Variants in STIM2 observed in about 807,000 individuals in gnomAD.
STIM2 encodes the protein stromal interaction molecule 2.
In STIM2, 31 loss-of-function variants were observed where a neutral mutation model predicts 85.8. The ratio of observed to expected loss-of-function variants is 0.36; its 90% CI spans 0.27 to 0.49. The LOEUF (loss-of-function observed/expected upper bound fraction) is 0.49, where lower values mean the gene tolerates loss of function less well. Among genes scored for constraint, STIM2 ranks in the 20% least tolerant of loss-of-function variants. The pLI is 0.98. For missense variants in STIM2, 841 were observed against 927.6 expected, an observed-to-expected ratio of 0.91 and a Z score of 1.21; for synonymous variants, 356 against 331.1, an observed-to-expected ratio of 1.08 and a Z score of -0.82.
intron 3 of STIM2, among the ~76,000 whole-genome samples, chr4:26,980,716 C>T (rs1438885896): frequency 6.6e-6 from 1 of 152,148 alleles, no homozygotes; most frequent in Non-Finnish European, 1.5e-5. Context: ...TCTAAAAAGA[C>T]TGCTAAAATT....
chr4:27,015,859 A>G (rs1329679990), intron 10 of STIM2, among the ~76,000 whole-genome samples: 1 of 147,590 alleles, frequency 6.8e-6, no homozygotes, highest in Non-Finnish European at 1.5e-5. Flanking sequence ...ATCAGTTCTG[A>G]AAAAAAAACA....
At chr4:26,863,181 G>A (rs1324819282) in intron 1 of STIM2, among the ~76,000 whole-genome samples, 2 of 151,972 alleles carry the variant, frequency 1.3e-5, no homozygotes, top group Non-Finnish European at 2.9e-5. Flanking sequence ...TAAGGCATGG[G>A]GGAAAAAGGT....
chr4:26,904,912 T>C (rs1291636279), intron 1 of STIM2, among the ~76,000 whole-genome samples: 1 of 152,054 alleles, frequency 6.6e-6, no homozygotes, highest in Non-Finnish European at 1.5e-5. Context: ...AGTGTAGGGA[T>C]TGACATATAG....
intron 3 of STIM2, among the ~76,000 whole-genome samples, chr4:26,979,407 A>G (rs1376013587): frequency 6.6e-6 from 1 of 152,180 alleles, no homozygotes; most frequent in Admixed American, 6.5e-5. Context: ...CAAAAGAGAA[A>G]TAGTAATTGT....
At chr4:26,916,986 G>A (rs1649207394) in intron 1 of STIM2, among the ~76,000 whole-genome samples, 1 of 152,074 alleles carries the variant, frequency 6.6e-6, no homozygotes, top group South Asian at 2.1e-4. Flanking sequence ...CAGGATAGAA[G>A]CCTAGAAGTT....
At chr4:26,969,804 A>G (rs1726863750) in intron 3 of STIM2, among the ~76,000 whole-genome samples, 1 of 152,162 alleles carries the variant, frequency 6.6e-6, no homozygotes, top group South Asian at 2.1e-4. Flanking sequence ...TGCCCCAAAG[A>G]GTAATCACTC....
intron 1 of STIM2, among the ~76,000 whole-genome samples, chr4:26,901,158 G>T (rs560349776): frequency 7.0e-4 from 107 of 152,288 alleles, no homozygotes; most frequent in African/African-American, 2.6e-3. Context: ...AATCTCAAGC[G>T]TGCTTGTCCG....
At chr4:26,967,624 G>C (rs78512153) in intron 3 of STIM2, among the ~76,000 whole-genome samples, 1 of 152,144 alleles carries the variant, frequency 6.6e-6, no homozygotes, top group African/African-American at 2.4e-5. Flanking sequence ...TGTTTATATT[G>C]TGAATCCTGT....
chr4:26,882,142 C>T (rs4519791), intron 1 of STIM2, among the ~76,000 whole-genome samples: 97,224 of 152,044 alleles, frequency 0.64, 32,241 homozygotes, highest in African/African-American at 0.82. Flanking sequence ...TCCCTTGTAA[C>T]TGGGGGTTGA....
At chr4:27,001,688 G>T (rs1008505691) in intron 5 of STIM2, among the ~76,000 whole-genome samples, 6 of 152,194 alleles carry the variant, frequency 3.9e-5, no homozygotes, top group Non-Finnish European at 5.9e-5. Flanking sequence ...TCTGCTAGGG[G>T]TGGGTGAGGA....
chr4:26,969,000 C>T (rs1417359160), intron 3 of STIM2, among the ~76,000 whole-genome samples: 2 of 152,170 alleles, frequency 1.3e-5, no homozygotes, highest in African/African-American at 4.8e-5. Context: ...AGCCTTATTA[C>T]ATATTTTGTT....
At chr4:26,867,854 C>T (rs1410420929) in intron 1 of STIM2, among the ~76,000 whole-genome samples, 1 of 152,210 alleles carries the variant, frequency 6.6e-6, no homozygotes, top group Non-Finnish European at 1.5e-5. Context: ...GTGGTTCCCT[C>T]TTAAGTCTCT....
chr4:27,014,959 T>C (rs570693305), intron 10 of STIM2, among the ~76,000 whole-genome samples: 1 of 152,124 alleles, frequency 6.6e-6, no homozygotes, highest in East Asian at 1.9e-4. Context: ...TTATACTACC[T>C]GATATTGAAA....
chr4:26,866,815 TA>T, intron 1 of STIM2, among the ~76,000 whole-genome samples: 1 of 148,312 alleles, frequency 6.7e-6, no homozygotes, highest in South Asian at 2.1e-4. Context: ...GATATAAAAC[TA>T]TTTGAAGGTT....
chr4:26,976,452 T>G (rs1727199731), intron 3 of STIM2, among the ~76,000 whole-genome samples: 1 of 151,348 alleles, frequency 6.6e-6, no homozygotes, highest in Non-Finnish European at 1.5e-5. Flanking sequence ...AGAAGTTGAT[T>G]GTAAAGATGC....
intron 2 of STIM2, among the ~76,000 whole-genome samples, chr4:26,930,906 T>G (rs1183820397): frequency 1.3e-5 from 2 of 152,188 alleles, no homozygotes; most frequent in Non-Finnish European, 2.9e-5. Flanking sequence ...ATTTCATGGT[T>G]TCTGTGGGTC....
chr4:26,938,535 T>TGG (rs1301815556), intron 2 of STIM2, among the ~76,000 whole-genome samples: 1 of 152,234 alleles, frequency 6.6e-6, no homozygotes, highest in African/African-American at 2.4e-5. Flanking sequence ...CCTATGAACC[T>TGG]ATCCAGCATT....
At chr4:26,878,178 G>A (rs1391378954) in intron 1 of STIM2, among the ~76,000 whole-genome samples, 1 of 152,196 alleles carries the variant, frequency 6.6e-6, no homozygotes, top group East Asian at 1.9e-4. Flanking sequence ...ATATGTGCTA[G>A]GTTTGTGATG....
At chr4:27,014,612 A>G (rs1028703710) in intron 10 of STIM2, among the ~76,000 whole-genome samples, 2 of 151,772 alleles carry the variant, frequency 1.3e-5, no homozygotes, top group East Asian at 3.8e-4. Context: ...TTTATTGGTC[A>G]TATATTTTAA....
Sources: allele counts gnomAD v4.1 joint callset (sites outside exome capture counted in the v4.1 genomes callset), GRCh38; gene constraint gnomAD v4.1.1; transcripts MANE v1.5; gene names NCBI Gene and HGNC (gene_info 2026-07-23, HGNC 2026-07-21).